ALOX15: variants seen among roughly 807,000 people sequenced by gnomAD.
ALOX15 encodes the protein polyunsaturated fatty acid lipoxygenase ALOX15.
Under a neutral mutation model 71.7 loss-of-function variants are expected in ALOX15, and 68 were observed. That is an observed-to-expected ratio of 0.95 (90% CI 0.78 to 1.16). The LOEUF is 1.16. Among genes scored for constraint, ALOX15 ranks in the 50% most tolerant of loss-of-function variants. The pLI, the probability that ALOX15 is intolerant of heterozygous loss-of-function variation, is 0.00. For synonymous variants in ALOX15, 346 were observed against 333.3 expected (o/e 1.04, Z -0.42); for missense variants, 798 against 818.8 (o/e 0.97, Z 0.31).
intron 8 of ALOX15, among the ~76,000 whole-genome samples, chr17:4,634,978 A>AATG (rs10666200): frequency 6.7e-6 from 1 of 149,902 alleles, no homozygotes; most frequent in Admixed American, 6.7e-5. Flanking sequence ...TAATAATAAT[A>AATG]ATAATATTTT....
intron 2 of ALOX15, 145 bp downstream of exon 2, chr17:4,639,285 G>A (rs927605037): frequency 7.3e-7 from 1 of 1,363,318 alleles, no homozygotes; most frequent in African/African-American, 1.4e-5. Context: ...TGTGCCAGCT[G>A]CAGCCACCGC....
rs944752858 is a variant in ALOX15 at position 4,631,405 on chromosome 17, A to C, written c.*195T>G. ...AAGATAGGAAAGGAGGAAGGAAGGA[A>C]AGAGGAGTAAGGTCCCAGGTGATGC... On this transcript the variant is annotated 3_prime_UTR_variant, in exon 14 of 14. Coordinates refer to ENST00000293761, the MANE Select transcript of ALOX15 (RefSeq NM_001140.5). The C allele has an allele frequency of 4.1e-5, 25 of 603,630 alleles. No individual in the cohort carries two copies. Among genetic ancestry groups the C allele is most frequent in the Non-Finnish European group, 7.1e-5 (25 of 351,330 alleles). The allele number at this position is 603,630 out of a possible 1,614,324, so 37.4% of individuals were successfully genotyped here.
At chr17:4,637,326 A>T in intron 6 of ALOX15, 68 bp from the exon 7 acceptor site, 1 of 1,527,224 alleles carries the variant, frequency 6.5e-7, no homozygotes, top group Non-Finnish European at 8.9e-7. Context: ...GGATTCCTCC[A>T]AGGGGGAAGA....
rs1257085388 is a variant in ALOX15 at position 4,635,706 on chromosome 17, G to A, written c.1161+53C>T. On this transcript the variant is annotated intron_variant, in intron 8 of 13. Coordinates refer to ENST00000293761, the MANE Select transcript of ALOX15 (RefSeq NM_001140.5). Reference sequence around the variant, plus strand: ...AGAGGGAGCCTCCAGAGGTCGGAACGTGCCCTGGGGCAGAGATAGTGGCAG... The same window carrying A: ...AGAGGGAGCCTCCAGAGGTCGGAACATGCCCTGGGGCAGAGATAGTGGCAG... The A allele has an allele frequency of 7.5e-5, 118 of 1,582,914 alleles. 1 individual carries two copies. The highest frequency in any genetic ancestry group is 1.3e-4 in the East Asian group (6 of 44,726).
intron 8 of ALOX15, among the ~76,000 whole-genome samples, chr17:4,634,652 G>C (rs1463362665): frequency 6.6e-6 from 1 of 151,340 alleles, no homozygotes; most frequent in Admixed American, 6.6e-5. Context: ...GCTTTATATA[G>C]ATATATATCA....
At position 4,632,180 on chromosome 17, in the gene ALOX15, C is replaced by A. The variant is rs1165144199; in HGVS notation, c.1641+1G>T. On this transcript the variant is annotated splice_donor_variant, in intron 12 of 13. Coordinates refer to ENST00000293761, the MANE Select transcript of ALOX15 (RefSeq NM_001140.5). LOFTEE classifies it high-confidence loss of function. Reference sequence around the variant, plus strand: ...CCCAGCTGCCCATCTCTGGTAAGTACCTGGCCCAGGTGCACAGAGGCGTGT... The same window carrying A: ...CCCAGCTGCCCATCTCTGGTAAGTAACTGGCCCAGGTGCACAGAGGCGTGT... The A allele has an allele frequency of 1.9e-6, 3 of 1,614,106 alleles. No homozygotes were observed. The highest frequency in any genetic ancestry group is 2.5e-6 in the Non-Finnish European group (3 of 1,180,054).
At position 4,635,765 on chromosome 17, in the gene ALOX15, G is replaced by A. The variant is rs1390115671; in HGVS notation, c.1155C>T (p.Ile385=). 1 of 1,614,194 alleles carries A rather than the reference G, an allele frequency of 6.2e-7. No individual in the cohort carries two copies. Among genetic ancestry groups the A allele is most frequent in the Non-Finnish European group, 8.5e-7 (1 of 1,180,030 alleles). ...TMRCLPSIHP[I]FKLIIPHLRY... ...GAAGGGGATAAGGAGTTACCTTGAA[G>A]ATAGGATGTATCGACGGCAGGCACC... The change falls in exon 8 of 14, where the codon ATC becomes ATT. Residue 385 remains isoleucine (I), a synonymous_variant. Coordinates refer to ENST00000293761, the MANE Select transcript of ALOX15 (RefSeq NM_001140.5).
intron 8 of ALOX15, among the ~76,000 whole-genome samples, chr17:4,634,692 G>A (rs1007799416): frequency 5.9e-5 from 9 of 151,588 alleles, no homozygotes; most frequent in African/African-American, 2.2e-4. Context: ...AAAGTAATAA[G>A]ATTTGGCCGG....
Position 4,639,144 on chromosome 17 carries a change from G to C in ALOX15, c.338-12C>G, listed in dbSNP as rs938881998. 1.9e-6 allele frequency: 3 copies of C among 1,613,904 alleles called. No individual in the cohort carries two copies. The highest frequency in any genetic ancestry group is 2.7e-5 in the African/African-American group (2 of 74,930). ...GCCCACAGTGCGGCCTAGAAGGACA[G>C]AGGAGGACTTGGCCAGTGACTTTTG... On this transcript the variant is annotated splice_polypyrimidine_tract_variant and intron_variant, in intron 2 of 13. Transcript: ENST00000293761.
intron 6 of ALOX15, among the ~76,000 whole-genome samples, chr17:4,637,848 C>T (rs1911151364): frequency 1.3e-5 from 2 of 151,936 alleles, no homozygotes; most frequent in Non-Finnish European, 2.9e-5. Context: ...GCCTATCTGC[C>T]CTTAATCCCA....
At position 4,639,516 on chromosome 17, in the gene ALOX15, T is replaced by G; in HGVS notation, c.251A>C (p.Gln84Pro). ...GACCTCGTCCCCGGCTCCGGGGCCC[T>G]GCACAGAGATCCAGTTGCAGAACCA... ...DAWFCNWISV[Q>P]GPGAGDEVRF... The change falls in exon 2 of 14, where the codon CAG (glutamine) becomes CCG (proline). Residue 84 changes from glutamine (Q) to proline (P), a missense_variant. By Grantham distance (76) the Gln-to-Pro change is moderately conservative. Around this residue, in one of 3 missense-constraint regions of ALOX15, gnomAD observed 300 missense variants for 283.1 expected, o/e 1.06. Transcript: ENST00000293761. The G allele has an allele frequency of 6.2e-7, 1 of 1,613,986 alleles. No individual in the cohort carries two copies. Among genetic ancestry groups the G allele is most frequent in the Non-Finnish European group, 8.5e-7 (1 of 1,180,026 alleles).
intron 11 of ALOX15, 122 bp downstream of exon 11, chr17:4,632,739 A>G (rs1490689763): frequency 6.8e-7 from 1 of 1,477,096 alleles, no homozygotes; most frequent in Non-Finnish European, 9.1e-7. Flanking sequence ...GAATCTGAGA[A>G]GGCCTCTGGA....
rs1202120583 is a variant in ALOX15 at position 4,640,096 on chromosome 17, CA to C, written c.136-466del. On this transcript the variant is annotated intron_variant, in intron 1 of 13. Coordinates refer to ENST00000293761, the MANE Select transcript of ALOX15 (RefSeq NM_001140.5). ...CAGGGAGAGTGACAGAAAGGGAAGGCAGGGGAAAGGCGCGCAGAAAGAGAGC... is the reference window on the plus strand; with the variant it reads ...CAGGGAGAGTGACAGAAAGGGAAGGCGGGGAAAGGCGCGCAGAAAGAGAGC... Among the ~76,000 whole-genome samples the C allele has an allele frequency of 2.9e-3, 334 of 115,140 alleles. 6 individuals are homozygous for C. Among genetic ancestry groups the C allele is most frequent in the African/African-American group, 1.0e-2 (301 of 30,150 alleles). 75.5% of individuals were successfully genotyped at this position (115,140 alleles called of 152,430 possible).
rs1218307926 is a variant in ALOX15, at chr17:4,639,210, C to T, written c.338-78G>A. 1.9e-6 allele frequency: 3 copies of T among 1,556,462 alleles called. No individual in the cohort carries two copies. In the African/African-American group the frequency reaches 4.1e-5, roughly 21 times the overall value. Reference sequence around the variant, plus strand: ...TGTCTCTGCCAGGAGAGCCTCAGCACCCCGTCCTTCTGTGTGGCCTCTGCC... The same window carrying T: ...TGTCTCTGCCAGGAGAGCCTCAGCATCCCGTCCTTCTGTGTGGCCTCTGCC... On this transcript the variant is annotated intron_variant, in intron 2 of 13. Coordinates refer to ENST00000293761, the MANE Select transcript of ALOX15 (RefSeq NM_001140.5).
rs1233232633 is a variant in ALOX15, at chr17:4,641,559, C to G, written c.93G>C (p.Gly31=). Residue 31 remains glycine, a synonymous_variant, in exon 1 of 14, where the codon GGG becomes GGC. Transcript: ENST00000293761. ...QVQLWLVGQH[G]EAALGKRLWP... is the part of the protein sequence containing the mutation. ...ACAGTCGCTTCCCGAGCGCCGCCTC[C>G]CCGTGCTGGCCGACCAGCCACAGCT... 2 of 1,613,346 alleles carry G rather than the reference C, an allele frequency of 1.2e-6. No individual in the cohort carries two copies. The highest frequency in any genetic ancestry group is 2.7e-5 in the African/African-American group (2 of 74,954).
rs1461823077 is a variant in ALOX15 at position 4,635,843 on chromosome 17, A to T, written c.1077T>A (p.Ser359=). The change falls in exon 8 of 14, where the codon TCT becomes TCA. Residue 359 remains serine (S), a synonymous_variant. Transcript: ENST00000293761. ...SSDFQLHELQ[S]HLLRGHLMAE... The stretch of plus-strand genomic sequence containing the variant: ...CCATCAAGTGTCCCCTCAGAAGATG[A>T]GACTGCAGCTCATGGAGCTGGAAGT... 6.2e-7 allele frequency: 1 copy of T among 1,614,250 alleles called. No homozygotes were observed.
Position 4,631,509 on chromosome 17 carries a change from G to A in ALOX15, c.*91C>T. 8.8e-6 allele frequency: 13 copies of A among 1,480,948 alleles called. No homozygotes were observed. The highest frequency in any genetic ancestry group is 1.9e-5 in the Admixed American group (1 of 51,986). 91.7% of individuals were successfully genotyped at this position (1,480,948 alleles called of 1,614,324 possible). On this transcript the variant is annotated 3_prime_UTR_variant, in exon 14 of 14. Coordinates refer to ENST00000293761, the MANE Select transcript of ALOX15 (RefSeq NM_001140.5). ...TAGGGAGGGTGGGACATGGGAAGAG[G>A]GTGGGACTTGGGAGGGCAGGGCTAT...
Position 4,632,372 on chromosome 17 carries a change from A to G in ALOX15, c.1541-91T>C. 4 of 1,064,748 alleles carry G rather than the reference A, an allele frequency of 3.8e-6. No individual in the cohort carries two copies. In the South Asian group the frequency reaches 5.3e-5, roughly 14 times the overall value. The allele number at this position is 1,064,748 out of a possible 1,614,324, so 66.0% of individuals were successfully genotyped here. ...CCAAGAGAGGAGAACAAGGGCGAGA[A>G]AGAGCGGCAGGAATGCTCAGTTAAC... On this transcript the variant is annotated intron_variant, in intron 11 of 13. Transcript: ENST00000293761.
chr17:4,640,022 C>T (rs1911264223), intron 1 of ALOX15: 2 of 97,064 alleles, frequency 2.1e-5, no homozygotes, highest in Admixed American at 3.2e-4. Context: ...GGGGCCCCAC[C>T]GGCCTGGGGA....
Sources: gnomAD v4.1 joint callset for allele counts (sites outside exome capture counted in the v4.1 genomes callset) on GRCh38, gnomAD v4.1.1 for gene constraint, gnomAD v4.1.1 regional missense constraint, MANE v1.5 for transcripts, NCBI Gene and HGNC (gene_info 2026-07-23, HGNC 2026-07-21) for gene names.